Variants in PRRC2A observed in about 807,000 individuals in gnomAD.
The protein encoded by PRRC2A is protein PRRC2A.
A neutral mutation model predicts 224.6 loss-of-function variants in PRRC2A; 59 were observed. That is an observed-to-expected ratio of 0.26 (90% CI 0.21 to 0.33). The LOEUF (loss-of-function observed/expected upper bound fraction) is 0.33. PRRC2A is among the 10% of genes least tolerant of loss of function. PRRC2A has a pLI of 1.00. For missense variants in PRRC2A, 3,095 were observed against 2,880.7 expected (o/e 1.07, Z -1.70); for synonymous variants, 1,194 against 1,109.5 (o/e 1.08, Z -1.51).
Position 31,631,150 on chromosome 6 carries a change from C to T in PRRC2A, c.2477C>T (p.Pro826Leu), listed in dbSNP as rs1776507942. 6.6e-7 allele frequency: 1 copy of T among 1,524,886 alleles called. No individual in the cohort carries two copies. The highest frequency in any genetic ancestry group is 1.4e-5 in the African/African-American group (1 of 71,730). The allele number at this position is 1,524,886 out of a possible 1,614,324, so 94.5% of individuals were successfully genotyped here. Residue 826 changes from proline (P) to leucine (L), a missense_variant, in exon 16 of 31, where the codon CCT becomes CTT. By Grantham distance (98) the Pro-to-Leu change is moderately conservative (BLOSUM62 -3). Around this residue, in one of 8 missense-constraint regions of PRRC2A, gnomAD observed 2,001 missense variants for 1,764.9 expected, o/e 1.13. Transcript: ENST00000376033. The surrounding 1 kb of genome is among the most constrained non-coding windows in gnomAD (Gnocchi z 4.5). ...EDDKGMRSETPPVPPPPPYLA... is the reference protein window; with the variant it reads ...EDDKGMRSETLPVPPPPPYLA... ...GTCTGTCTCTTCAGGAGCGAGACTC[C>T]TCCAGTACCTCCCCCACCACCCTAT...
In PRRC2A at chr6:31,631,816, G is replaced by A; in HGVS notation, c.3143G>A (p.Gly1048Glu). ...FRGTYGGRGRGARSREFRSYR... is the reference protein window; with the variant it reads ...FRGTYGGRGREARSREFRSYR... Reference sequence around the variant, plus strand: ...GGGACCTATGGGGGACGAGGGCGGGGAGCCCGAAGCCGGGAATTCCGCAGT... The same window carrying A: ...GGGACCTATGGGGGACGAGGGCGGGAAGCCCGAAGCCGGGAATTCCGCAGT... Residue 1048 changes from glycine (G) to glutamate (E), a missense_variant, in exon 16 of 31, where the codon GGA (glycine) becomes GAA (glutamate). Around this residue, in one of 8 missense-constraint regions of PRRC2A, gnomAD observed 2,001 missense variants for 1,764.9 expected, o/e 1.13. Transcript: ENST00000376033. This position sits in a 1 kb window ranked among gnomAD's most constrained non-coding sequence, Gnocchi z 4.5. 6.3e-7 allele frequency: 1 copy of A among 1,593,604 alleles called. No individual in the cohort carries two copies. Among genetic ancestry groups the A allele is most frequent in the African/African-American group, 1.3e-5 (1 of 74,628 alleles).
Position 31,636,874 on chromosome 6 carries a change from C to A in PRRC2A, c.6076C>A (p.Pro2026Thr), listed in dbSNP as rs1349850849. 1 of 1,612,892 alleles carries A rather than the reference C, an allele frequency of 6.2e-7. No homozygotes were observed. The highest frequency in any genetic ancestry group is 1.3e-5 in the African/African-American group (1 of 74,932). ...GCCCCCCAGCCTGGCTGTGCGGCCCCCACCTGCTCCTGCTACTCGGGTGCT... is the reference window on the plus strand; with the variant it reads ...GCCCCCCAGCCTGGCTGTGCGGCCCACACCTGCTCCTGCTACTCGGGTGCT... Reference protein sequence around the residue: ...LQPPSLAVRPPPAPATRVLPS... With the variant: ...LQPPSLAVRPTPAPATRVLPS... Residue 2026 changes from proline (P) to threonine (T), a missense_variant, in exon 28 of 31, where the codon CCA becomes ACA. This residue lies in a region of PRRC2A where 662 missense variants were observed against 609.5 expected (regional missense o/e 1.09). Coordinates refer to ENST00000376033, the MANE Select transcript of PRRC2A (RefSeq NM_004638.4). The surrounding 1 kb of genome is among the most constrained non-coding windows in gnomAD (Gnocchi z 4.3).
chr6:31,629,560 A>AAGCAGC lies in PRRC2A; in HGVS notation c.1980_1985dup (p.Gln660_Gln661dup), dbSNP rs760207508. On this transcript the variant is annotated inframe_insertion, in exon 14 of 31. Transcript: ENST00000376033. ...CCTCCTTTCCTAGGAGCAGCTCCTG[A>AAGCAGC]AGCAGCAGCAGCAGCACCAGTGGCA... is the stretch of plus-strand genomic sequence containing the variant. 1 of 1,553,310 alleles carries AAGCAGC rather than the reference A, an allele frequency of 6.4e-7. No homozygotes were observed. Among genetic ancestry groups the AAGCAGC allele is most frequent in the Non-Finnish European group, 8.9e-7 (1 of 1,125,802 alleles).
At chr6:31,629,954 G>A in intron 14 of PRRC2A, 109 bp downstream of exon 14, 2 of 1,512,426 alleles carry the variant, frequency 1.3e-6, no homozygotes, top group Non-Finnish European at 1.8e-6. Flanking sequence ...CCATCATAGT[G>A]ATGAGGGAAG....
Position 31,636,133 on chromosome 6 carries a change from C to CTA in PRRC2A, c.5625-75_5625-74dup. On this transcript the variant is annotated intron_variant, in intron 25 of 30. Coordinates refer to ENST00000376033, the MANE Select transcript of PRRC2A (RefSeq NM_004638.4). The surrounding 1 kb of genome is among the most constrained non-coding windows in gnomAD (Gnocchi z 4.3). ...AAGGGGAAGACACAGTTCTAGGGTA[C>CTA]TAGAAGCTAGTGGACTTAAGGCATT... 3.2e-6 allele frequency: 5 copies of CTA among 1,562,346 alleles called. No homozygotes were observed. The highest frequency in any genetic ancestry group is 4.4e-6 in the Non-Finnish European group (5 of 1,133,494).
rs1487275585 is a variant in PRRC2A, at chr6:31,631,271, G to C, written c.2598G>C (p.Trp866Cys). The C allele has an allele frequency of 1.2e-6, 2 of 1,612,202 alleles. No individual in the cohort carries two copies. The highest frequency in any genetic ancestry group is 2.2e-5 in the East Asian group (1 of 44,830). Reference sequence around the variant, plus strand: ...AACCAGGGCCCCGTCCACTCCCCTGGCCCCCAGGCAGTGATGAAGTGGCCA... The same window carrying C: ...AACCAGGGCCCCGTCCACTCCCCTGCCCCCCAGGCAGTGATGAAGTGGCCA... ...LEEPGPRPLP[W>C]PPGSDEVAKI... The change falls in exon 16 of 31, where the codon TGG becomes TGC. Residue 866 changes from tryptophan (W) to cysteine (C), a missense_variant. Trp to Cys is a radical substitution (Grantham distance 215). Around this residue, in one of 8 missense-constraint regions of PRRC2A, gnomAD observed 2,001 missense variants for 1,764.9 expected, o/e 1.13. Transcript: ENST00000376033. This position sits in a 1 kb window ranked among gnomAD's most constrained non-coding sequence, Gnocchi z 4.5.
Position 31,627,267 on chromosome 6 carries a change from C to A in PRRC2A, c.1290+69C>A. On this transcript the variant is annotated intron_variant, in intron 11 of 30. Coordinates refer to ENST00000376033, the MANE Select transcript of PRRC2A (RefSeq NM_004638.4). The surrounding 1 kb of genome is among the most constrained non-coding windows in gnomAD (Gnocchi z 5.6). ...ATTGGTGTCAGCTGAGTAATTGAAG[C>A]GGTTGTGATATAGAGGAAGGGGGGT... The A allele has an allele frequency of 4.2e-6, 5 of 1,178,012 alleles. No individual in the cohort carries two copies. The highest frequency in any genetic ancestry group is 4.5e-5 in the Admixed American group (2 of 44,744). 73.0% of individuals were successfully genotyped at this position (1,178,012 alleles called of 1,614,324 possible).
Position 31,631,569 on chromosome 6 carries a change from C to T in PRRC2A, c.2896C>T (p.Pro966Ser). 6.3e-7 allele frequency: 1 copy of T among 1,586,952 alleles called. No individual in the cohort carries two copies. Among genetic ancestry groups the T allele is most frequent in the Non-Finnish European group, 8.5e-7 (1 of 1,170,436 alleles). Residue 966 changes from proline (P) to serine (S), a missense_variant, in exon 16 of 31, where the codon CCC becomes TCC. Physicochemically the swap from Pro to Ser is moderately conservative, Grantham distance 74 (BLOSUM62 -1). Transcript: ENST00000376033. The surrounding 1 kb of genome is among the most constrained non-coding windows in gnomAD (Gnocchi z 4.5). ...PPPTKVEELP[P>S]KPLEQGDETP... is the part of the protein sequence containing the mutation. ...ACCTACAAAAGTAGAAGAGCTGCCT[C>T]CCAAGCCCCTCGAACAGGGGGATGA...
chr6:31,633,998 TG>T lies in PRRC2A; in HGVS notation c.4719+12del. On this transcript the variant is annotated intron_variant, in intron 18 of 30. Transcript: ENST00000376033. ...CAGAGCTGCTACAGGAGGTAAGGGA[TG>T]GGTTTGAGATTGTGCTTCACTGCAC... is the stretch of plus-strand genomic sequence containing the variant. The T allele has an allele frequency of 6.2e-7, 1 of 1,604,194 alleles. No individual in the cohort carries two copies. The highest frequency in any genetic ancestry group is 2.2e-5 in the East Asian group (1 of 44,832).
At chr6:31,630,992 A>G in intron 15 of PRRC2A, 147 bp from the exon 16 acceptor site, 1 of 1,205,056 alleles carries the variant, frequency 8.3e-7, no homozygotes, top group South Asian at 1.5e-5. Flanking sequence ...GCAGTTCGAG[A>G]CTAGCCTCGG....
intron 5 of PRRC2A, chr6:31,624,775 A>C: frequency 1.7e-6 from 1 of 575,260 alleles, no homozygotes; most frequent in Non-Finnish European, 3.1e-6. Context: ...GGGAAACCTG[A>C]TGGTCTGGTA....
rs945393103 is a variant in PRRC2A, at chr6:31,626,225, A to C, written c.982+63A>C. ...AAGGCAAAACCTAATGAGGAAAAAA[A>C]AATACAGGGTTATGTGGGTGAAAGG... On this transcript the variant is annotated intron_variant, in intron 9 of 30. Coordinates refer to ENST00000376033, the MANE Select transcript of PRRC2A (RefSeq NM_004638.4). 1.7e-5 allele frequency: 26 copies of C among 1,545,210 alleles called. No individual in the cohort carries two copies. The Admixed American group carries it at 4.2e-4, about 25-fold the overall frequency.
At position 31,636,549 on chromosome 6, in the gene PRRC2A, A is replaced by T; in HGVS notation, c.5875A>T (p.Thr1959Ser). 2 of 1,607,704 alleles carry T rather than the reference A, an allele frequency of 1.2e-6. No individual in the cohort carries two copies. Among genetic ancestry groups the T allele is most frequent in the Non-Finnish European group, 1.7e-6 (2 of 1,177,730 alleles). Residue 1959 changes from threonine (T) to serine (S), a missense_variant, in exon 27 of 31, where the codon ACT (threonine) becomes TCT (serine). Around this residue, in one of 8 missense-constraint regions of PRRC2A, gnomAD observed 662 missense variants for 609.5 expected, o/e 1.09. Transcript: ENST00000376033. The surrounding 1 kb of genome is among the most constrained non-coding windows in gnomAD (Gnocchi z 4.3). ...DLPSPSDFYS[T>S]PLQPGGQSGF... ...GCCATCCCCTTCGGATTTTTATTCT[A>T]CTCCTCTGCAGCCTGGTGGCCAAAG... is the stretch of plus-strand genomic sequence containing the variant.
intron 14 of PRRC2A, among the ~76,000 whole-genome samples, chr6:31,630,175 G>T (rs1169904221): frequency 2.1e-4 from 32 of 152,148 alleles, no homozygotes; most frequent in Non-Finnish European, 1.5e-5. Flanking sequence ...AAAAGTAGCC[G>T]GCGTGGTGGC....
rs1306835025 is a variant in PRRC2A, at chr6:31,634,510, C to T, written c.4888C>T (p.Pro1630Ser). 2 of 1,612,886 alleles carry T rather than the reference C, an allele frequency of 1.2e-6. No homozygotes were observed. The highest frequency in any genetic ancestry group is 2.2e-5 in the East Asian group (1 of 44,878). Residue 1630 changes from proline (P) to serine (S), a missense_variant, in exon 20 of 31, where the codon CCT becomes TCT. Pro to Ser is a moderately conservative substitution (Grantham distance 74). This residue lies in a region of PRRC2A where 2,001 missense variants were observed against 1,764.9 expected (regional missense o/e 1.13). Transcript: ENST00000376033. ...RKSYRPSSME[P>S]WMEPLSPFED... ...GAGTTACCGGCCCAGCTCCATGGAGCCTTGGATGGAGCCCCTGAGTCCTTT... is the reference window on the plus strand; with the variant it reads ...GAGTTACCGGCCCAGCTCCATGGAGTCTTGGATGGAGCCCCTGAGTCCTTT...
chr6:31,632,938 G>C lies in PRRC2A; in HGVS notation c.4265G>C (p.Arg1422Thr), dbSNP rs747231800. ...GGAGGCGGTGGGGGTCCTGGAGGAAGGACCGGGCCAGGACGAGGCGACAAG... is the reference window on the plus strand; with the variant it reads ...GGAGGCGGTGGGGGTCCTGGAGGAACGACCGGGCCAGGACGAGGCGACAAG... Reference protein sequence around the residue: ...SGGGGGGPGGRTGPGRGDKRS... With the variant: ...SGGGGGGPGGTTGPGRGDKRS... Residue 1422 changes from arginine (R) to threonine (T), a missense_variant, in exon 16 of 31, where the codon AGG becomes ACG. Transcript: ENST00000376033. 7 of 1,611,582 alleles carry C rather than the reference G, an allele frequency of 4.3e-6. No homozygotes were observed. In the South Asian group the frequency reaches 7.7e-5, roughly 18 times the overall value.
intron 20 of PRRC2A, 94 bp from the exon 21 acceptor site, chr6:31,634,659 G>A: frequency 6.4e-7 from 1 of 1,569,096 alleles, no homozygotes; most frequent in African/African-American, 1.4e-5. Flanking sequence ...CTCTCACTTG[G>A]CTGTCCCCTT....
chr6:31,629,523 C>T (rs1460535513), intron 13 of PRRC2A, 25 bp from the exon 14 acceptor site: 1 of 1,478,010 alleles, frequency 6.8e-7, no homozygotes, highest in Non-Finnish European at 9.4e-7. Flanking sequence ...GAGCCTCTCT[C>T]ATCTTGTCTT....
Position 31,633,363 on chromosome 6 carries a change from G to A in PRRC2A, c.4320-16G>A, listed in dbSNP as rs758883398. On this transcript the variant is annotated splice_polypyrimidine_tract_variant and intron_variant, in intron 16 of 30. Coordinates refer to ENST00000376033, the MANE Select transcript of PRRC2A (RefSeq NM_004638.4). The stretch of plus-strand genomic sequence containing the variant: ...CGATTTAGTGGATACTGGAGCTAAT[G>A]CTCTGTTTTCTCCAGTCGTCCTCCA... The A allele has an allele frequency of 9.9e-6, 16 of 1,608,142 alleles. No individual in the cohort carries two copies. The highest frequency in any genetic ancestry group is 5.9e-6 in the Non-Finnish European group (7 of 1,176,822).
Sources: allele counts gnomAD v4.1 joint callset (sites outside exome capture counted in the v4.1 genomes callset), GRCh38; gene constraint gnomAD v4.1.1; regional missense constraint gnomAD v4.1.1; non-coding constraint Gnocchi (gnomAD v3.1); transcripts MANE v1.5; gene names NCBI Gene and HGNC (gene_info 2026-07-23, HGNC 2026-07-21).